Variants in DAB1 observed in about 807,000 individuals in gnomAD.
DAB1 encodes the protein DAB adaptor protein 1, also known as disabled homolog 1.
A neutral mutation model predicts 64.6 loss-of-function variants in DAB1; 15 were observed. The observed-to-expected ratio is 0.23, with a 90% confidence interval of 0.16 to 0.36. DAB1 has a LOEUF of 0.36. Ranked by LOEUF, DAB1 falls within the 10% of genes least tolerant of loss-of-function variation. DAB1 has a pLI of 1.00. For missense variants in DAB1, 596 were observed against 706.7 expected, an observed-to-expected ratio of 0.84 and a Z score of 1.78; for synonymous variants, 235 against 251.9, an observed-to-expected ratio of 0.93 and a Z score of 0.64.
intron 2 of DAB1, among the ~76,000 whole-genome samples, chr1:58,518,398 AAG>A (rs1646207123): frequency 6.6e-6 from 1 of 151,524 alleles, no homozygotes; most frequent in South Asian, 2.1e-4. Context: ...GAAAAAAGAA[AAG>A]AGAATATCAT....
At chr1:57,061,160 C>T (rs550547641) in intron 9 of DAB1, among the ~76,000 whole-genome samples, 6 of 146,166 alleles carry the variant, frequency 4.1e-5, no homozygotes, top group Non-Finnish European at 5.9e-5. Flanking sequence ...TTTTTGAAAA[C>T]GGGCCTGCAT....
Position 57,136,509 on chromosome 1 carries a change from A to C in DAB1, c.306+34T>G, listed in dbSNP as rs754464930. On this transcript the variant is annotated intron_variant, in intron 4 of 14. Transcript: ENST00000371236. ...TTAAGGGTACATCTGTCAATGGATAAAATTTCACAATGCCATGTGATTGCT... is the reference window on the plus strand; with the variant it reads ...TTAAGGGTACATCTGTCAATGGATACAATTTCACAATGCCATGTGATTGCT... The C allele has an allele frequency of 6.8e-6, 9 of 1,314,240 alleles. No individual in the cohort carries two copies. The Admixed American group carries it at 1.7e-4, about 25-fold the overall frequency. 81.4% of individuals were successfully genotyped at this position (1,314,240 alleles called of 1,614,324 possible). A position where few individuals can be genotyped will look rare whatever the true frequency, so the allele number is the denominator to read the frequency against.
intron 7 of DAB1, among the ~76,000 whole-genome samples, chr1:57,619,993 G>A (rs945310171): frequency 6.6e-6 from 1 of 152,126 alleles, no homozygotes; most frequent in Non-Finnish European, 1.5e-5. Flanking sequence ...CAAGAACAAC[G>A]ACTGGAGACA....
intron 6 of DAB1, among the ~76,000 whole-genome samples, chr1:57,796,702 G>A (rs1206242686): frequency 6.6e-6 from 1 of 152,140 alleles, no homozygotes; most frequent in Non-Finnish European, 1.5e-5. Context: ...GGGTGTAGCA[G>A]CCTCTACCTG....
intron 5 of DAB1, among the ~76,000 whole-genome samples, chr1:57,912,369 A>G (rs935352803): frequency 2.0e-5 from 3 of 152,196 alleles, no homozygotes; most frequent in Non-Finnish European, 2.9e-5. Context: ...TACCTTACGC[A>G]GGTGCTCAAA....
chr1:58,489,809 G>A (rs973897590), intron 3 of DAB1, among the ~76,000 whole-genome samples: 6 of 152,166 alleles, frequency 3.9e-5, no homozygotes, highest in South Asian at 2.1e-4. Flanking sequence ...TGCAGCCTCC[G>A]CTGCTGATAT....
chr1:58,047,816 A>C (rs1450201889), intron 5 of DAB1: 1 of 229,430 alleles, frequency 4.4e-6, no homozygotes, highest in African/African-American at 2.3e-5. Context: ...ATCCAAGAAA[A>C]AGGAAACATA....
chr1:57,813,922 T>C (rs1364262181), intron 6 of DAB1, among the ~76,000 whole-genome samples: 2 of 152,224 alleles, frequency 1.3e-5, no homozygotes, highest in African/African-American at 2.4e-5. Flanking sequence ...CATTGTCTAA[T>C]GAAAGAAAAT....
At chr1:57,099,881 G>C (rs537907518) in intron 4 of DAB1, among the ~76,000 whole-genome samples, 4 of 152,170 alleles carry the variant, frequency 2.6e-5, no homozygotes, top group Non-Finnish European at 5.9e-5. Flanking sequence ...GGAATGAAGT[G>C]AGCCAGATGT....
intron 1 of DAB1, among the ~76,000 whole-genome samples, chr1:57,846,120 T>C (rs1653268186): frequency 6.6e-6 from 1 of 152,140 alleles, no homozygotes; most frequent in Non-Finnish European, 1.5e-5. Flanking sequence ...ATATAAGCTT[T>C]AGTCTTCCTA....
chr1:57,429,995 C>A (rs1395565917), intron 7 of DAB1, among the ~76,000 whole-genome samples: 1 of 152,004 alleles, frequency 6.6e-6, no homozygotes, highest in Non-Finnish European at 1.5e-5. Context: ...CATATACATT[C>A]TAGGATTTTT....
At chr1:58,506,859 T>C (rs1645997745) in intron 2 of DAB1, among the ~76,000 whole-genome samples, 1 of 152,160 alleles carries the variant, frequency 6.6e-6, no homozygotes, top group African/African-American at 2.4e-5. Context: ...ATATACCTTA[T>C]AAAACACAAT....
intron 1 of DAB1, chr1:58,530,605 T>C: frequency 1.1e-6 from 1 of 871,774 alleles, no homozygotes; most frequent in Non-Finnish European, 2.0e-6. Context: ...ACTTACCTCC[T>C]GCAATTTAGA....
chr1:58,389,406 A>G (rs1290177029), intron 3 of DAB1, among the ~76,000 whole-genome samples: 1 of 152,176 alleles, frequency 6.6e-6, no homozygotes, highest in Non-Finnish European at 1.5e-5. Context: ...CCACTGCACT[A>G]TAGTCTGAGC....
At chr1:58,512,691 T>C (rs1333017190) in intron 2 of DAB1, among the ~76,000 whole-genome samples, 1 of 152,196 alleles carries the variant, frequency 6.6e-6, no homozygotes, top group Non-Finnish European at 1.5e-5. Context: ...GGTATGTATC[T>C]AAAGTAGCAA....
intron 3 of DAB1, among the ~76,000 whole-genome samples, chr1:58,486,635 A>G (rs1645579956): frequency 6.6e-6 from 1 of 152,228 alleles, no homozygotes; most frequent in South Asian, 2.1e-4. Flanking sequence ...AAAAGCCAAT[A>G]AACAAATAAG....
intron 9 of DAB1, chr1:57,033,380 C>G (rs764486220): frequency 6.2e-7 from 1 of 1,612,786 alleles, no homozygotes; most frequent in Non-Finnish European, 8.5e-7. Flanking sequence ...AACCTCAAGG[C>G]CTTACCTTCG....
At chr1:58,426,440 C>T (rs1367798357) in intron 3 of DAB1, among the ~76,000 whole-genome samples, 1 of 152,184 alleles carries the variant, frequency 6.6e-6, no homozygotes, top group Non-Finnish European at 1.5e-5. Flanking sequence ...CTACTACATA[C>T]CAGGTGTAGG....
At chr1:58,160,778 C>G (rs929695742) in intron 4 of DAB1, among the ~76,000 whole-genome samples, 2 of 152,162 alleles carry the variant, frequency 1.3e-5, no homozygotes, top group Admixed American at 6.6e-5. Flanking sequence ...AGGAAAAAGC[C>G]TCTTTACAAT....
Sources: allele counts gnomAD v4.1 joint callset (sites outside exome capture counted in the v4.1 genomes callset), GRCh38; gene constraint gnomAD v4.1.1; transcripts MANE v1.5; gene names NCBI Gene and HGNC (gene_info 2026-07-23, HGNC 2026-07-21).